ERC2: variants seen among roughly 807,000 people sequenced by gnomAD.
ERC2 encodes ERC protein 2.
In ERC2, 42 loss-of-function variants were observed where a neutral mutation model predicts 114.8. The observed-to-expected ratio is 0.37, with a 90% confidence interval of 0.29 to 0.47. ERC2 has a LOEUF of 0.47. Among genes scored for constraint, ERC2 ranks in the 20% least tolerant of loss-of-function variants. The pLI is 0.99. For missense variants in ERC2, 939 were observed against 1,150.7 expected (o/e 0.82, Z 2.66); for synonymous variants, 454 against 425.5 (o/e 1.07, Z -0.82).
chr3:56,252,147 C>G (rs1560463511), intron 3 of ERC2, among the ~76,000 whole-genome samples: 2 of 152,256 alleles, frequency 1.3e-5, no homozygotes, highest in Admixed American at 6.5e-5. Flanking sequence ...AGGCTTCATG[C>G]TAAGTGCCTA....
intron 6 of ERC2, among the ~76,000 whole-genome samples, chr3:56,101,208 TG>T (rs2078334712): frequency 6.6e-6 from 1 of 152,134 alleles, no homozygotes; most frequent in Admixed American, 6.5e-5. Context: ...TGCAGGCTGG[TG>T]CGCCTCCAGC....
chr3:55,952,171 ACACACACACTCTCT>A (rs1260239455), intron 12 of ERC2, among the ~76,000 whole-genome samples: 13 of 60,054 alleles, frequency 2.2e-4, no homozygotes, highest in African/African-American at 4.3e-4. Context: ...ACACACACAC[ACACACACACTCTCT>A]CTCTCTCTCT....
intron 7 of ERC2, among the ~76,000 whole-genome samples, chr3:56,079,079 G>A (rs73091055): frequency 0.066 from 10,012 of 151,946 alleles, 722 homozygotes; most frequent in African/African-American, 0.18. Context: ...TGGCTATTTC[G>A]AGCAGTTCTG....
chr3:56,441,489 A>G (rs1011932922), intron 1 of ERC2, among the ~76,000 whole-genome samples: 2 of 152,252 alleles, frequency 1.3e-5, no homozygotes, highest in Non-Finnish European at 2.9e-5. Context: ...TAAAATGGAA[A>G]TATCATAATT....
At chr3:55,975,828 T>G (rs1195833658) in intron 12 of ERC2, among the ~76,000 whole-genome samples, 1 of 152,178 alleles carries the variant, frequency 6.6e-6, no homozygotes. Flanking sequence ...GCCTTCTATC[T>G]TCCTACCTCT....
intron 14 of ERC2, among the ~76,000 whole-genome samples, chr3:55,810,915 T>C (rs2059697181): frequency 6.6e-6 from 1 of 152,226 alleles, no homozygotes; most frequent in Non-Finnish European, 1.5e-5. Context: ...TTTATGTATC[T>C]GTCTAGTAGT....
At chr3:55,714,663 GTGTGTATATATATATATATATA>G (rs67526071) in intron 15 of ERC2, among the ~76,000 whole-genome samples, 10,242 of 92,122 alleles carry the variant, frequency 0.11, 652 homozygotes, top group East Asian at 0.13. Flanking sequence ...GTGTGTGTGT[GTGTGTATATATATATATATATA>G]TATATATATA....
chr3:56,065,740 C>T lies in ERC2; in HGVS notation c.1641+15077G>A, dbSNP rs1396340717. On this transcript the variant is annotated intron_variant, in intron 7 of 17. Transcript: ENST00000288221. The stretch of plus-strand genomic sequence containing the variant: ...ACTGGCCCTGGTGTGTGTTGTTCCT[C>T]TCCCTGTGTCCATGTATTCCCATTG... 2.0e-5 allele frequency among the ~76,000 whole-genome samples: 3 copies of T among 152,180 alleles called. No homozygotes were observed. The East Asian group carries it at 5.8e-4, about 29-fold the overall frequency.
intron 6 of ERC2, among the ~76,000 whole-genome samples, chr3:56,085,203 C>A (rs994824001): frequency 3.2e-4 from 48 of 152,166 alleles, no homozygotes; most frequent in African/African-American, 1.1e-3. Context: ...TTTCTTGCTC[C>A]TTGCCAAGAA....
chr3:56,363,120 A>G (rs1359182522), intron 2 of ERC2, among the ~76,000 whole-genome samples: 1 of 152,230 alleles, frequency 6.6e-6, no homozygotes, highest in Non-Finnish European at 1.5e-5. Flanking sequence ...GTGGATGGTA[A>G]TAAAGTAAAG....
At chr3:56,465,069 T>G (rs1481811075) in intron 1 of ERC2, among the ~76,000 whole-genome samples, 1 of 152,206 alleles carries the variant, frequency 6.6e-6, no homozygotes, top group African/African-American at 2.4e-5. Flanking sequence ...GGGAAGAGAC[T>G]GATAAGGCTT....
At chr3:55,862,175 T>A (rs1322838440) in intron 14 of ERC2, among the ~76,000 whole-genome samples, 2 of 151,428 alleles carry the variant, frequency 1.3e-5, no homozygotes, top group Non-Finnish European at 3.0e-5. Flanking sequence ...ATTTTATGTA[T>A]GTGTGTGTGT....
At chr3:56,153,461 C>A (rs182966596) in intron 4 of ERC2, among the ~76,000 whole-genome samples, 31 of 152,280 alleles carry the variant, frequency 2.0e-4, no homozygotes, top group African/African-American at 7.2e-4. Context: ...CCAGAAGACA[C>A]AAGGGCCAAG....
chr3:55,549,470 G>A (rs1041741453), intron 17 of ERC2, among the ~76,000 whole-genome samples: 3 of 133,096 alleles, frequency 2.3e-5, no homozygotes, highest in South Asian at 5.0e-4. Context: ...AGCAAATGCC[G>A]CCTTACCTTT....
At chr3:56,266,242 T>C (rs1026078306) in intron 3 of ERC2, among the ~76,000 whole-genome samples, 2 of 148,484 alleles carry the variant, frequency 1.3e-5, no homozygotes, top group African/African-American at 5.0e-5. Flanking sequence ...GCCATTCTCC[T>C]GCCTCAGCCT....
In ERC2 at chr3:56,323,921, T is replaced by G. The variant is rs542620719; in HGVS notation, c.658-27486A>C. On this transcript the variant is annotated intron_variant, in intron 2 of 17. Coordinates refer to ENST00000288221, the MANE Select transcript of ERC2 (RefSeq NM_015576.3). ...TGACAGAAATAACCATTTCTTAATC[T>G]GTCATGAGATTAGAGTAGAAAAAAA... Among the ~76,000 whole-genome samples the G allele has an allele frequency of 1.5e-4, 23 of 152,292 alleles. No homozygotes were observed. The South Asian group carries it at 3.7e-3, about 25-fold the overall frequency.
At chr3:55,783,946 C>T (rs1224489066) in intron 14 of ERC2, among the ~76,000 whole-genome samples, 1 of 152,124 alleles carries the variant, frequency 6.6e-6, no homozygotes, top group Non-Finnish European at 1.5e-5. Flanking sequence ...CTACAGGTTA[C>T]CAGATTAATG....
At chr3:55,656,467 C>G (rs1381939275) in intron 17 of ERC2, among the ~76,000 whole-genome samples, 1 of 152,120 alleles carries the variant, frequency 6.6e-6, no homozygotes, top group Non-Finnish European at 1.5e-5. Context: ...GGAGAATGCA[C>G]TTTACATGGT....
intron 6 of ERC2, among the ~76,000 whole-genome samples, chr3:56,116,828 T>A (rs2079265177): frequency 6.6e-6 from 1 of 152,210 alleles, no homozygotes; most frequent in Admixed American, 6.5e-5. Flanking sequence ...TCTTTCATGT[T>A]CCTTGTCTGG....
Sources: gnomAD v4.1 joint callset for allele counts (sites outside exome capture counted in the v4.1 genomes callset) on GRCh38, gnomAD v4.1.1 for gene constraint, MANE v1.5 for transcripts, NCBI Gene and HGNC (gene_info 2026-07-23, HGNC 2026-07-21) for gene names.